The following OTOGL variants were observed in gnomAD, a reference collection of about 807,000 sequenced individuals.
OTOGL encodes otogelin like.
Under a neutral mutation model 318.5 loss-of-function variants are expected in OTOGL, and 285 were observed. That is an observed-to-expected ratio of 0.89 (90% CI 0.81 to 0.99). The LOEUF (loss-of-function observed/expected upper bound fraction) is 0.99, where lower values mean the gene tolerates loss of function less well. Ranked by LOEUF, OTOGL falls within the 50% of genes least tolerant of loss-of-function variation. The probability of loss-of-function intolerance (pLI) is 0.00; values close to 1 mark genes in which losing one functional copy is unlikely to be tolerated. For synonymous variants in OTOGL, 987 were observed against 936.5 expected, an observed-to-expected ratio of 1.05 and a Z score of -0.99; for missense variants, 2,899 against 2,845.6, an observed-to-expected ratio of 1.02 and a Z score of -0.43.
intron 1 of OTOGL, among the ~76,000 whole-genome samples, chr12:80,169,223 C>T (rs1040643528): frequency 6.6e-6 from 1 of 152,154 alleles, no homozygotes; most frequent in Non-Finnish European, 1.5e-5. Flanking sequence ...TTTCCTAGAA[C>T]CTTATCTTCT....
At chr12:80,270,176 T>C in intron 23 of OTOGL, 22 bp downstream of exon 23, 1 of 1,574,596 alleles carries the variant, frequency 6.4e-7, no homozygotes, top group South Asian at 1.1e-5. Context: ...AAAGATGTTT[T>C]CCTGAATGAG....
At chr12:80,278,887 T>C (rs2137621758) in intron 25 of OTOGL, 141 bp from the exon 26 acceptor site, 1 of 920,764 alleles carries the variant, frequency 1.1e-6, no homozygotes, top group Non-Finnish European at 1.7e-6. Flanking sequence ...TAATAGGTGG[T>C]ATCAGAATGA....
At chr12:80,268,851 G>A (rs1289876224) in intron 22 of OTOGL, among the ~76,000 whole-genome samples, 2 of 149,618 alleles carry the variant, frequency 1.3e-5, no homozygotes, top group Non-Finnish European at 3.0e-5. Flanking sequence ...TCATTCTGCC[G>A]AGGTGTCCTG....
chr12:80,336,663 A>C lies in OTOGL; in HGVS notation c.4743+108A>C. ...GGAGGGAGCTCAAGAACTCACTGAG[A>C]TCGGTCTTCTGATAATGTTTCAGAA... is the stretch of plus-strand genomic sequence containing the variant. On this transcript the variant is annotated intron_variant, in intron 40 of 58. Transcript: ENST00000547103. 3.5e-6 allele frequency: 5 copies of C among 1,430,410 alleles called. No homozygotes were observed. In the South Asian group the frequency reaches 6.7e-5, roughly 19 times the overall value. 88.6% of individuals were successfully genotyped at this position (1,430,410 alleles called of 1,614,324 possible).
Position 80,368,319 on chromosome 12 carries a change from A to C in OTOGL, c.6615+10A>C, listed in dbSNP as rs757181613. The C allele has an allele frequency of 1.6e-5, 25 of 1,546,194 alleles. No homozygotes were observed. The highest frequency in any genetic ancestry group is 1.9e-5 in the Admixed American group (1 of 53,922). On this transcript the variant is annotated intron_variant, in intron 55 of 58. Coordinates refer to ENST00000547103, the MANE Select transcript of OTOGL (RefSeq NM_001378609.3). ...ATCAGTTGTATACGCGGTATGTTTCATGGAGAGTAATGCTCTGTGCTATTT... is the reference window on the plus strand; with the variant it reads ...ATCAGTTGTATACGCGGTATGTTTCCTGGAGAGTAATGCTCTGTGCTATTT...
At chr12:80,163,894 T>A (rs186305826) in intron 1 of OTOGL, among the ~76,000 whole-genome samples, 1 of 152,266 alleles carries the variant, frequency 6.6e-6, no homozygotes, top group African/African-American at 2.4e-5. Flanking sequence ...AGGAGAAGGA[T>A]ATACTCTCAT....
At chr12:80,177,975 TTATA>T (rs1445753241) in intron 1 of OTOGL, among the ~76,000 whole-genome samples, 1 of 152,032 alleles carries the variant, frequency 6.6e-6, no homozygotes, top group East Asian at 1.9e-4. Flanking sequence ...ATTTCTAGCC[TTATA>T]TGAGTTTTGG....
At position 80,222,111 on chromosome 12, in the gene OTOGL, A is replaced by G. The variant is rs1432598922; in HGVS notation, c.355A>G (p.Arg119Gly). ...CQIIPNMGNG[R>G]DGICKTWGQY... ...TTCAGTCCCAAACATGGGCAACGGCAGAGATGGGATTTGTAAAACCTGGGG... is the reference window on the plus strand; with the variant it reads ...TTCAGTCCCAAACATGGGCAACGGCGGAGATGGGATTTGTAAAACCTGGGG... The change falls in exon 7 of 59, where the codon AGA becomes GGA. Residue 119 changes from arginine to glycine, a missense_variant. Coordinates refer to ENST00000547103, the MANE Select transcript of OTOGL (RefSeq NM_001378609.3). The G allele has an allele frequency of 1.3e-6, 2 of 1,598,512 alleles. No individual in the cohort carries two copies. The highest frequency in any genetic ancestry group is 1.7e-5 in the Admixed American group (1 of 59,898).
chr12:80,342,334 A>G (rs958530261), intron 44 of OTOGL, among the ~76,000 whole-genome samples, 172 bp downstream of exon 44: 1 of 152,244 alleles, frequency 6.6e-6, no homozygotes, highest in African/African-American at 2.4e-5. Flanking sequence ...TTACAAACAC[A>G]AGAAGGATAA....
At chr12:80,182,470 A>G (rs1325671061) in intron 1 of OTOGL, among the ~76,000 whole-genome samples, 1 of 152,192 alleles carries the variant, frequency 6.6e-6, no homozygotes, top group Non-Finnish European at 1.5e-5. Context: ...ATACTAAACC[A>G]AGGAGCTCCT....
intron 1 of OTOGL, among the ~76,000 whole-genome samples, chr12:80,172,279 T>C (rs1023267865): frequency 7.1e-6 from 1 of 140,740 alleles, no homozygotes. Context: ...ATCACCATAA[T>C]AGGAAGTGAT....
chr12:80,341,405 C>G (rs147459640), intron 43 of OTOGL, among the ~76,000 whole-genome samples: 1 of 152,296 alleles, frequency 6.6e-6, no homozygotes, highest in African/African-American at 2.4e-5. Flanking sequence ...TTACCTGGAA[C>G]AGTTGCTAAT....
At chr12:80,168,858 G>A (rs1462977766) in intron 1 of OTOGL, among the ~76,000 whole-genome samples, 1 of 152,166 alleles carries the variant, frequency 6.6e-6, no homozygotes, top group Non-Finnish European at 1.5e-5. Context: ...AGGAAAATGA[G>A]TATGTATCTG....
rs145834039 is a variant in OTOGL, at chr12:80,313,538, C to T, written c.3513C>T (p.Gly1171=). The T allele has an allele frequency of 1.6e-3, 2,645 of 1,611,976 alleles. 31 individuals carry two copies. In the East Asian group the frequency reaches 0.028, roughly 17 times the overall value. The change falls in exon 31 of 59, where the codon GGC becomes GGT. Residue 1171 remains glycine, a synonymous_variant. Transcript: ENST00000547103. The part of the protein sequence containing the change: ...HEDTCNCNLG[G]DCECLCTSIA... Reference sequence around the variant, plus strand: ...ATACATGTAACTGCAATCTTGGTGGCGACTGTGAGTGTTTGTGCACTAGTA... The same window carrying T: ...ATACATGTAACTGCAATCTTGGTGGTGACTGTGAGTGTTTGTGCACTAGTA...
In OTOGL at chr12:80,317,597, T is replaced by G. The variant is rs1018524015; in HGVS notation, c.3635-949T>G. ...GAATTGTATCTCATTATAATTCACT[T>G]ATTATTTGTATATTATTCACATATT... On this transcript the variant is annotated intron_variant, in intron 32 of 58. Coordinates refer to ENST00000547103, the MANE Select transcript of OTOGL (RefSeq NM_001378609.3). Among the ~76,000 whole-genome samples, 12 of 152,328 alleles carry G rather than the reference T, an allele frequency of 7.9e-5. 1 individual carries two copies. Among genetic ancestry groups the G allele is most frequent in the Admixed American group, 3.9e-4 (6 of 15,290 alleles).
chr12:80,149,324 C>T (rs1262905722), intron 1 of OTOGL, among the ~76,000 whole-genome samples: 2 of 151,494 alleles, frequency 1.3e-5, no homozygotes, highest in Admixed American at 6.6e-5. Context: ...TGTGAGGTGT[C>T]AGTGTGCCCC....
At chr12:80,333,767 G>A (rs767136666) in intron 38 of OTOGL, among the ~76,000 whole-genome samples, 22 of 152,046 alleles carry the variant, frequency 1.4e-4, no homozygotes, top group African/African-American at 4.3e-4. Flanking sequence ...TCACTGATAA[G>A]GCAACCTCTA....
intron 1 of OTOGL, among the ~76,000 whole-genome samples, chr12:80,102,615 T>C (rs1261763068): frequency 6.6e-6 from 1 of 152,232 alleles, no homozygotes; most frequent in Non-Finnish European, 1.5e-5. Flanking sequence ...TCCTTCCTGA[T>C]GGTCTCTTCC....
chr12:80,128,581 A>C (rs1292599336), intron 1 of OTOGL, among the ~76,000 whole-genome samples: 34 of 152,192 alleles, frequency 2.2e-4, no homozygotes, highest in Admixed American at 2.0e-3. Flanking sequence ...AGACAGGGAC[A>C]TTTAAGTCTG....
Sources: gnomAD v4.1 joint callset for allele counts (sites outside exome capture counted in the v4.1 genomes callset) on GRCh38, gnomAD v4.1.1 for gene constraint, MANE v1.5 for transcripts, NCBI Gene and HGNC (gene_info 2026-07-23, HGNC 2026-07-21) for gene names.